Variants in CUBN observed in about 807,000 individuals in gnomAD.
CUBN encodes 460 kDa receptor.
A neutral mutation model predicts 405.3 loss-of-function variants in CUBN; 282 were observed. That is an observed-to-expected ratio of 0.70 (90% CI 0.63 to 0.77). The LOEUF (loss-of-function observed/expected upper bound fraction) is 0.77. CUBN is among the 30% of genes least tolerant of loss of function. CUBN has a pLI of 0.00. For missense variants in CUBN, 4,514 were observed against 4,475.2 expected (o/e 1.01, Z -0.25); for synonymous variants, 1,684 against 1,617.0 (o/e 1.04, Z -0.99).
intron 31 of CUBN, among the ~76,000 whole-genome samples, chr10:16,955,502 A>G (rs1399928974): frequency 6.6e-6 from 1 of 152,076 alleles, no homozygotes; most frequent in Non-Finnish European, 1.5e-5. Flanking sequence ...ATGAAATGGA[A>G]TCTATGTCAC....
intron 60 of CUBN, among the ~76,000 whole-genome samples, chr10:16,850,224 C>T (rs1839645946): frequency 1.3e-5 from 2 of 152,182 alleles, no homozygotes; most frequent in South Asian, 4.1e-4. Flanking sequence ...CGCTTAAATG[C>T]TGACTATCCT....
At chr10:17,061,562 C>T (rs561207412) in intron 22 of CUBN, among the ~76,000 whole-genome samples, 6 of 152,284 alleles carry the variant, frequency 3.9e-5, no homozygotes, top group Non-Finnish European at 7.4e-5. Context: ...TAACTTTGCA[C>T]TGCTAGATGC....
chr10:17,017,205 C>G (rs941417738), intron 28 of CUBN, among the ~76,000 whole-genome samples: 1 of 152,116 alleles, frequency 6.6e-6, no homozygotes, highest in Non-Finnish European at 1.5e-5. Flanking sequence ...GTCCCTGGAC[C>G]CTGCTGATCA....
chr10:16,973,910 A>G lies in CUBN; in HGVS notation c.4695+8574T>C, dbSNP rs575210974. On this transcript the variant is annotated intron_variant, in intron 31 of 66. Transcript: ENST00000377833. ...CCACCATTGATGGGCATCTAGGTTG[A>G]TTCCATGCCTTTGCTATCGTGGACA... Among the ~76,000 whole-genome samples, 26 of 152,228 alleles carry G rather than the reference A, an allele frequency of 1.7e-4. No individual in the cohort carries two copies. The East Asian group carries it at 4.6e-3, about 27-fold the overall frequency.
chr10:17,071,838 A>G lies in CUBN; in HGVS notation c.2435T>C (p.Val812Ala). 6.2e-7 allele frequency: 1 copy of G among 1,612,482 alleles called. No individual in the cohort carries two copies. Reference sequence around the variant, plus strand: ...ATATGTTTCCTTACCGACTTGATAAACAGCTCTGAAACTAGCTTTTTCAAC... The same window carrying G: ...ATATGTTTCCTTACCGACTTGATAAGCAGCTCTGAAACTAGCTTTTTCAAC... The part of the protein sequence containing the change: ...ASVEKASFRA[V>A]YQVACGDELT... Residue 812 changes from valine (V) to alanine (A), a missense_variant, in exon 18 of 67, where the codon GTT becomes GCT. Val to Ala is a moderately conservative substitution (Grantham distance 64, BLOSUM62 0). Around this residue, in one of 5 missense-constraint regions of CUBN, gnomAD observed 1,448 missense variants for 1,388.0 expected, o/e 1.04. Transcript: ENST00000377833.
chr10:17,071,355 G>T, intron 19 of CUBN, 71 bp downstream of exon 19: 1 of 1,479,940 alleles, frequency 6.8e-7, no homozygotes, highest in South Asian at 1.2e-5. Flanking sequence ...TAACAGATTT[G>T]AAGACAACAA....
chr10:17,087,167 C>T (rs949025415), intron 15 of CUBN, among the ~76,000 whole-genome samples: 3 of 152,100 alleles, frequency 2.0e-5, no homozygotes, highest in African/African-American at 4.8e-5. Flanking sequence ...CTTGGAAATG[C>T]GTATTGTCTT....
At position 17,029,207 on chromosome 10, in the gene CUBN, T is replaced by G. The variant is rs190416653; in HGVS notation, c.4018-9224A>C. On this transcript the variant is annotated intron_variant, in intron 27 of 66. Transcript: ENST00000377833. ...TTGAATCTGAGAGCAGAGGCTCTTTTGAAGGTTGGAACGTTGGTTCATTAA... is the reference window on the plus strand; with the variant it reads ...TTGAATCTGAGAGCAGAGGCTCTTTGGAAGGTTGGAACGTTGGTTCATTAA... 1.7e-4 allele frequency among the ~76,000 whole-genome samples: 26 copies of G among 152,362 alleles called. No homozygotes were observed. In the East Asian group the frequency reaches 5.0e-3, roughly 29 times the overall value.
In CUBN at chr10:16,869,557, T is replaced by TCG. The variant is rs1231299327; in HGVS notation, c.9454+78_9454+79insCG. 4.8e-5 allele frequency: 34 copies of TCG among 708,584 alleles called. No individual in the cohort carries two copies. In the African/African-American group the frequency reaches 6.9e-4, roughly 14 times the overall value. The allele number at this position is 708,584 out of a possible 1,614,324, so 43.9% of individuals were successfully genotyped here. A position where few individuals can be genotyped will look rare whatever the true frequency, so the allele number is the denominator to read the frequency against. On this transcript the variant is annotated intron_variant, in intron 59 of 66. Transcript: ENST00000377833. ...AAAAGCAATCATAATCAGGTGGGGG[T>TCG]GGGGGGGGGGCGGGGAAATTAAATA...
rs201294291 is a variant in CUBN at position 16,954,447 on chromosome 10, C to A, written c.4797G>T (p.Leu1599Phe). Residue 1599 changes from leucine (L) to phenylalanine (F), a missense_variant, in exon 32 of 67, where the codon TTG becomes TTT. Leu to Phe is a conservative substitution (Grantham distance 22). This residue lies in a region of CUBN where 1,613 missense variants were observed against 1,542.8 expected (regional missense o/e 1.05). Coordinates refer to ENST00000377833, the MANE Select transcript of CUBN (RefSeq NM_001081.4). ...PIVSSGNSLF[L>F]RFQSGPSRQN... The stretch of plus-strand genomic sequence containing the variant: ...GTCTGGAAGGGCCAGACTGAAATCT[C>A]AAGAAGAGGCTGTTTCCTGAGGAGA... 8.1e-5 allele frequency: 131 copies of A among 1,614,018 alleles called. No individual in the cohort carries two copies. Among genetic ancestry groups the A allele is most frequent in the Non-Finnish European group, 1.1e-4 (125 of 1,180,028 alleles).
At chr10:17,026,278 G>T (rs894272747) in intron 27 of CUBN, among the ~76,000 whole-genome samples, 3 of 152,176 alleles carry the variant, frequency 2.0e-5, no homozygotes, top group Non-Finnish European at 4.4e-5. Flanking sequence ...TCCAAGTTCA[G>T]GTTACTTTAA....
chr10:17,002,842 C>T (rs1322939643), intron 28 of CUBN, among the ~76,000 whole-genome samples: 1 of 152,150 alleles, frequency 6.6e-6, no homozygotes, highest in Non-Finnish European at 1.5e-5. Flanking sequence ...AAATGAGCAT[C>T]GTCCATTAAG....
intron 58 of CUBN, among the ~76,000 whole-genome samples, chr10:16,870,167 G>A (rs1224375132): frequency 1.3e-5 from 2 of 152,128 alleles, no homozygotes; most frequent in Admixed American, 6.5e-5. Context: ...AACAACTTTT[G>A]ACAAGTTGAA....
intron 17 of CUBN, among the ~76,000 whole-genome samples, chr10:17,075,068 G>GTTT (rs1835824666): frequency 8.1e-5 from 6 of 74,082 alleles, no homozygotes; most frequent in African/African-American, 2.7e-4. Context: ...ATTTTTCTTT[G>GTTT]TTTTCTTTTT....
chr10:17,089,548 T>C (rs891928420), intron 14 of CUBN, among the ~76,000 whole-genome samples: 4 of 152,228 alleles, frequency 2.6e-5, no homozygotes, highest in African/African-American at 4.8e-5. Flanking sequence ...TTAATTGAGA[T>C]GCCATTTCTT....
intron 66 of CUBN, among the ~76,000 whole-genome samples, chr10:16,825,943 C>A (rs1228144562): frequency 2.0e-5 from 3 of 151,738 alleles, no homozygotes; most frequent in Non-Finnish European, 2.9e-5. Context: ...AAGGAATATA[C>A]AATATTTTTA....
chr10:17,122,721 A>G (rs1287321415), intron 6 of CUBN, 74 bp downstream of exon 6: 2 of 857,440 alleles, frequency 2.3e-6, no homozygotes, highest in Admixed American at 2.0e-5. Flanking sequence ...TTAATTTAGG[A>G]TGCTCTTAAC....
At chr10:16,959,993 A>G (rs1843171712) in intron 31 of CUBN, among the ~76,000 whole-genome samples, 1 of 152,228 alleles carries the variant, frequency 6.6e-6, no homozygotes, top group Non-Finnish European at 1.5e-5. Flanking sequence ...TCATTTCTAG[A>G]TGATAGTAAT....
At chr10:16,975,622 T>C (rs4466721) in intron 31 of CUBN, among the ~76,000 whole-genome samples, 81,763 of 140,894 alleles carry the variant, frequency 0.58, 23,322 homozygotes, top group African/African-American at 0.61. Context: ...CTTAAAGACC[T>C]TCTTTTTTTT....
Sources: allele counts gnomAD v4.1 joint callset (sites outside exome capture counted in the v4.1 genomes callset), GRCh38; gene constraint gnomAD v4.1.1; regional missense constraint gnomAD v4.1.1; transcripts MANE v1.5; gene names NCBI Gene and HGNC (gene_info 2026-07-23, HGNC 2026-07-21).